ZNF804B: variants seen among roughly 807,000 people sequenced by gnomAD.
ZNF804B encodes zinc finger protein 804B.
In ZNF804B, 80 loss-of-function variants were observed where a neutral mutation model predicts 101.4. The ratio of observed to expected loss-of-function variants is 0.79; its 90% confidence interval spans 0.66 to 0.95. ZNF804B has a LOEUF of 0.95. ZNF804B is among the 40% of genes least tolerant of loss of function. The pLI, the probability that ZNF804B is intolerant of heterozygous loss-of-function variation, is 0.00. For synonymous variants in ZNF804B, 622 were observed against 558.8 expected (o/e 1.11, Z -1.59); for missense variants, 1,673 against 1,561.9 (o/e 1.07, Z -1.20).
intron 2 of ZNF804B, among the ~76,000 whole-genome samples, chr7:89,226,109 C>T (rs1038688168): frequency 7.9e-5 from 12 of 151,674 alleles, no homozygotes; most frequent in African/African-American, 2.7e-4. Flanking sequence ...ATATGTCAAG[C>T]GTGAAAAAAA....
intron 1 of ZNF804B, among the ~76,000 whole-genome samples, chr7:88,862,122 G>T: frequency 6.6e-6 from 1 of 152,140 alleles, no homozygotes; most frequent in East Asian, 1.9e-4. Flanking sequence ...CTTTTGGGTT[G>T]AATTATGTGC....
intron 1 of ZNF804B, among the ~76,000 whole-genome samples, chr7:89,190,569 G>A (rs527838723): frequency 1.3e-5 from 2 of 152,078 alleles, no homozygotes; most frequent in Non-Finnish European, 2.9e-5. Flanking sequence ...AGTTGATAAC[G>A]CAGCTGCAGG....
At chr7:88,994,486 T>A (rs1369674749) in intron 1 of ZNF804B, among the ~76,000 whole-genome samples, 2 of 152,052 alleles carry the variant, frequency 1.3e-5, no homozygotes, top group Admixed American at 6.6e-5. Context: ...AACTGATGAA[T>A]TCTTAGCGAA....
At chr7:88,943,732 T>C (rs1034057522) in intron 1 of ZNF804B, among the ~76,000 whole-genome samples, 1 of 151,878 alleles carries the variant, frequency 6.6e-6, no homozygotes, top group Non-Finnish European at 1.5e-5. Flanking sequence ...TGTGGCTCTG[T>C]GTTTTCAATC....
intron 1 of ZNF804B, among the ~76,000 whole-genome samples, chr7:88,944,491 T>G (rs1793098861): frequency 1.3e-5 from 2 of 151,766 alleles, no homozygotes; most frequent in Non-Finnish European, 2.9e-5. Flanking sequence ...GGATGCAAGT[T>G]TTATCATACA....
intron 1 of ZNF804B, among the ~76,000 whole-genome samples, chr7:88,763,758 AATAGATAG>A (rs10539286): frequency 5.3e-5 from 8 of 150,808 alleles, no homozygotes; most frequent in African/African-American, 1.5e-4. Flanking sequence ...TAGACAGAAA[AATAGATAG>A]ATAGATAGAT....
intron 2 of ZNF804B, among the ~76,000 whole-genome samples, chr7:89,281,284 G>C (rs1204523191): frequency 1.3e-5 from 2 of 152,036 alleles, no homozygotes; most frequent in Non-Finnish European, 2.9e-5. Context: ...CAATAGCTCT[G>C]TATTAATTAT....
intron 2 of ZNF804B, among the ~76,000 whole-genome samples, chr7:89,284,723 G>C (rs1456561942): frequency 6.6e-6 from 1 of 151,890 alleles, no homozygotes; most frequent in East Asian, 1.9e-4. Flanking sequence ...AAAAAATAAA[G>C]TTATTATATG....
At chr7:89,132,256 G>C (rs1790564567) in intron 1 of ZNF804B, among the ~76,000 whole-genome samples, 1 of 151,460 alleles carries the variant, frequency 6.6e-6, no homozygotes, top group African/African-American at 2.4e-5. Context: ...AAGACTATAG[G>C]TGTTCAGAAA....
intron 2 of ZNF804B, among the ~76,000 whole-genome samples, chr7:89,251,310 A>ATTTGG (rs1789536690): frequency 6.6e-6 from 1 of 152,224 alleles, no homozygotes; most frequent in Non-Finnish European, 1.5e-5. Flanking sequence ...ATTCAAGGTG[A>ATTTGG]GACCCAAATC....
At chr7:88,979,866 G>T in intron 1 of ZNF804B, among the ~76,000 whole-genome samples, 3 of 149,770 alleles carry the variant, frequency 2.0e-5, no homozygotes, top group Admixed American at 6.7e-5. Context: ...CCCTTTTGAG[G>T]GTATTTTATA....
In ZNF804B at chr7:89,334,185, G is replaced by A; in HGVS notation, c.1203G>A (p.Leu401=). 1 of 1,613,430 alleles carries A rather than the reference G, an allele frequency of 6.2e-7. No individual in the cohort carries two copies. ...GTGAACAAAAGAGTACAGTGCATCTGAATCCAAATTCCAGAATAGAGAACA... is the reference window on the plus strand; with the variant it reads ...GTGAACAAAAGAGTACAGTGCATCTAAATCCAAATTCCAGAATAGAGAACA... ...EPSEQKSTVH[L]NPNSRIENRE... is the part of the protein sequence containing the mutation. Residue 401 remains leucine (L), a synonymous_variant, in exon 4 of 4, where the codon CTG becomes CTA. Transcript: ENST00000333190.
At chr7:88,821,455 A>G (rs1490340073) in intron 1 of ZNF804B, among the ~76,000 whole-genome samples, 1 of 152,182 alleles carries the variant, frequency 6.6e-6, no homozygotes, top group African/African-American at 2.4e-5. Flanking sequence ...TCCAATACGG[A>G]TATACTTTAA....
chr7:88,875,715 G>A (rs1444767856), intron 1 of ZNF804B, among the ~76,000 whole-genome samples: 8 of 151,958 alleles, frequency 5.3e-5, no homozygotes, highest in Non-Finnish European at 8.8e-5. Context: ...ATTCACAGCC[G>A]AATTCTACCA....
At chr7:89,086,066 T>C (rs1320872862) in intron 1 of ZNF804B, among the ~76,000 whole-genome samples, 1 of 151,970 alleles carries the variant, frequency 6.6e-6, no homozygotes, top group African/African-American at 2.4e-5. Flanking sequence ...ATTGACTAAA[T>C]AGGAGATAGT....
chr7:89,180,153 G>A (rs1788275079), intron 1 of ZNF804B, among the ~76,000 whole-genome samples: 1 of 152,092 alleles, frequency 6.6e-6, no homozygotes. Flanking sequence ...CTATTGCTTA[G>A]CTACCATTGA....
At chr7:88,768,181 C>T (rs1332533533) in intron 1 of ZNF804B, among the ~76,000 whole-genome samples, 3 of 152,098 alleles carry the variant, frequency 2.0e-5, no homozygotes, top group African/African-American at 7.2e-5. Flanking sequence ...ATACATTTGA[C>T]AATAGTGTAG....
Position 88,801,427 on chromosome 7 carries a change from C to T in ZNF804B, c.108+41343C>T, listed in dbSNP as rs577412502. The stretch of plus-strand genomic sequence containing the variant: ...ATTTCCTGAGTGCCTGTAATTATAA[C>T]TGTTTAGGAAGTTGCCCTGAAGTGC... On this transcript the variant is annotated intron_variant, in intron 1 of 3. Transcript: ENST00000333190. Among the ~76,000 whole-genome samples the T allele has an allele frequency of 7.2e-5, 11 of 152,082 alleles. No homozygotes were observed. In the South Asian group the frequency reaches 1.7e-3, roughly 23 times the overall value.
At chr7:89,133,657 TC>T (rs1229540555) in intron 1 of ZNF804B, among the ~76,000 whole-genome samples, 2 of 152,064 alleles carry the variant, frequency 1.3e-5, no homozygotes, top group East Asian at 3.9e-4. Flanking sequence ...CAGTGATTGC[TC>T]CTAATACAGT....
Sources: gnomAD v4.1 joint callset for allele counts (sites outside exome capture counted in the v4.1 genomes callset) on GRCh38, gnomAD v4.1.1 for gene constraint, MANE v1.5 for transcripts, NCBI Gene and HGNC (gene_info 2026-07-23, HGNC 2026-07-21) for gene names.